Variants in ETV3L observed in about 807,000 individuals in gnomAD.
ETV3L encodes the protein ETS translocation variant 3-like protein.
ETV3L carries 30 observed loss-of-function variants against 27.6 expected under a neutral mutation model. The ratio of observed to expected loss-of-function variants is 1.09; its 90% CI spans 0.81 to 1.48. The LOEUF (loss-of-function observed/expected upper bound fraction) is 1.48, where lower values mean the gene tolerates loss of function less well. ETV3L is among the 40% of genes most tolerant of loss of function. The pLI, the probability that ETV3L is intolerant of heterozygous loss-of-function variation, is 0.00. For missense variants in ETV3L, 443 were observed against 455.6 expected, an observed-to-expected ratio of 0.97 and a Z score of 0.25; for synonymous variants, 186 against 188.9, an observed-to-expected ratio of 0.98 and a Z score of 0.12.
intron 4 of ETV3L, among the ~76,000 whole-genome samples, chr1:157,097,318 C>G (rs1167929828): frequency 6.6e-6 from 1 of 151,364 alleles, no homozygotes; most frequent in Non-Finnish European, 1.5e-5. Context: ...ACTAAAAATA[C>G]AAAAATTAGC....
rs1674128324 is a variant in ETV3L, at chr1:157,092,162, TG to T, written c.*486del. On this transcript the variant is annotated 3_prime_UTR_variant, in exon 5 of 5. Coordinates refer to ENST00000454449, the MANE Select transcript of ETV3L (RefSeq NM_001004341.2). ...GGAAATGGAGAGAGGAGGAAGTGCC[TG>T]CATGGGACAGGGGTTTCCAGGGTCT... 6.4e-6 allele frequency: 1 copy of T among 156,030 alleles called. No individual in the cohort carries two copies. Among genetic ancestry groups the T allele is most frequent in the African/African-American group, 2.4e-5 (1 of 41,436 alleles). The allele number at this position is 156,030 out of a possible 1,614,324, so 9.7% of individuals were successfully genotyped here.
chr1:157,097,772 C>G, intron 4 of ETV3L, 96 bp downstream of exon 4: 5 of 1,450,338 alleles, frequency 3.4e-6, no homozygotes, highest in Non-Finnish European at 4.7e-6. Flanking sequence ...ACATAGTATC[C>G]CTTGTCTCAT....
At chr1:157,094,567 G>A (rs1674185339) in intron 4 of ETV3L, among the ~76,000 whole-genome samples, 1 of 152,118 alleles carries the variant, frequency 6.6e-6, no homozygotes, top group Non-Finnish European at 1.5e-5. Context: ...TTAACTAAAA[G>A]AACAAGCATC....
At chr1:157,093,153 C>A in intron 4 of ETV3L, 26 bp from the exon 5 acceptor site, 2 of 1,412,638 alleles carry the variant, frequency 1.4e-6, no homozygotes, top group South Asian at 1.6e-5. Flanking sequence ...GAGAAAGGGT[C>A]AAGGGAGCCC....
chr1:157,093,914 A>T lies in ETV3L; in HGVS notation c.608-787T>A, dbSNP rs1013359186. On this transcript the variant is annotated intron_variant, in intron 4 of 4. Transcript: ENST00000454449. Reference sequence around the variant, plus strand: ...TCATCCCTCCATGAACCTCTCCTCCAAGGGCACTCGGCTGAGTTAGGGTCA... The same window carrying T: ...TCATCCCTCCATGAACCTCTCCTCCTAGGGCACTCGGCTGAGTTAGGGTCA... 5.9e-5 allele frequency among the ~76,000 whole-genome samples: 9 copies of T among 152,234 alleles called. No homozygotes were observed. The South Asian group carries it at 1.9e-3, about 32-fold the overall frequency.
intron 3 of ETV3L, among the ~76,000 whole-genome samples, chr1:157,098,395 C>T (rs1244027493): frequency 1.3e-5 from 2 of 152,128 alleles, no homozygotes; most frequent in African/African-American, 4.8e-5. Context: ...CACGCCTGGC[C>T]TCTCATACCC....
At position 157,097,083 on chromosome 1, in the gene ETV3L, G is replaced by A. The variant is rs77434886; in HGVS notation, c.607+785C>T. On this transcript the variant is annotated intron_variant, in intron 4 of 4. Coordinates refer to ENST00000454449, the MANE Select transcript of ETV3L (RefSeq NM_001004341.2). ...GCCAGCCCTGTCTCTCATCCGTCCTGCTTGTTCCCACCGCATCGCAAGACT... is the reference window on the plus strand; with the variant it reads ...GCCAGCCCTGTCTCTCATCCGTCCTACTTGTTCCCACCGCATCGCAAGACT... Among the ~76,000 whole-genome samples the A allele has an allele frequency of 1.2e-3, 179 of 152,080 alleles. 2 individuals carry two copies. The East Asian group carries it at 0.032, about 27-fold the overall frequency.
intron 3 of ETV3L, 56 bp downstream of exon 3, chr1:157,098,650 G>A: frequency 1.3e-6 from 2 of 1,483,512 alleles, no homozygotes; most frequent in Middle Eastern, 5.0e-4. Context: ...GGAGCCTCCT[G>A]GGCAGAGGGG....
In ETV3L at chr1:157,096,813, G is replaced by C. The variant is rs576770408; in HGVS notation, c.607+1055C>G. ...GCATGCCTGTAATCCCAGTTACTTG[G>C]GAGGCTGAGGCATGAGAATCGCTTG... On this transcript the variant is annotated intron_variant, in intron 4 of 4. Coordinates refer to ENST00000454449, the MANE Select transcript of ETV3L (RefSeq NM_001004341.2). Among the ~76,000 whole-genome samples the C allele has an allele frequency of 4.6e-5, 7 of 152,330 alleles. No individual in the cohort carries two copies. The South Asian group carries it at 1.4e-3, about 32-fold the overall frequency.
At chr1:157,096,931 A>G (rs1486045195) in intron 4 of ETV3L, among the ~76,000 whole-genome samples, 7 of 152,090 alleles carry the variant, frequency 4.6e-5, no homozygotes, top group Non-Finnish European at 8.8e-5. Context: ...AAAAATAATA[A>G]AAGAAAGTAA....
In ETV3L at chr1:157,098,006, G is replaced by T. The variant is rs139879248; in HGVS notation, c.487-18C>A. 1 of 1,585,288 alleles carries T rather than the reference G, an allele frequency of 6.3e-7. No individual in the cohort carries two copies. The highest frequency in any genetic ancestry group is 2.3e-5 in the East Asian group (1 of 44,284). ...TGCAGGAGCTGAGGGGTGAGAAGTA[G>T]GTGCGAGGTGTGATGGGCTCTCCTT... On this transcript the variant is annotated intron_variant, in intron 3 of 4. Coordinates refer to ENST00000454449, the MANE Select transcript of ETV3L (RefSeq NM_001004341.2).
At chr1:157,093,530 A>C (rs1674164749) in intron 4 of ETV3L, among the ~76,000 whole-genome samples, 1 of 147,326 alleles carries the variant, frequency 6.8e-6, no homozygotes. Flanking sequence ...CTTGCTCTGT[A>C]GCCCAGGCTG....
chr1:157,092,663 A>T lies in ETV3L; in HGVS notation c.1072T>A (p.Leu358Met). Reference protein sequence around the residue: ...NLENLKAVWPLDPP With the variant: ...NLENLKAVWPMDPP The stretch of plus-strand genomic sequence containing the variant: ...TTCCTCTCTAGTTAAGGAGGATCCA[A>T]GGGCCACACTGCTTTGAGGTTCTCC... The change falls in exon 5 of 5, where the codon TTG (leucine) becomes ATG (methionine). Residue 358 changes from leucine (L) to methionine (M), a missense_variant. Leu to Met is a conservative substitution (Grantham distance 15). Transcript: ENST00000454449. The T allele has an allele frequency of 6.2e-7, 1 of 1,607,006 alleles. No homozygotes were observed. Among genetic ancestry groups the T allele is most frequent in the Non-Finnish European group, 8.5e-7 (1 of 1,176,682 alleles).
rs1337264568 is a variant in ETV3L at position 157,099,352 on chromosome 1, T to G, written c.85A>C (p.Lys29Gln). 15 of 1,614,006 alleles carry G rather than the reference T, an allele frequency of 9.3e-6. No individual in the cohort carries two copies. The East Asian group carries it at 2.7e-4, about 29-fold the overall frequency. ...SGLAFPDWAY[K>Q]AESSPGSRQI... ...CGGGAGCCTGGGGACGACTCGGCTT[T>G]GTAGGCCCAATCAGGGAAGGCCAAC... The change falls in exon 2 of 5, where the codon AAA (lysine) becomes CAA (glutamine). Residue 29 changes from lysine to glutamine, a missense_variant. By Grantham distance (53) the Lys-to-Gln change is moderately conservative. Transcript: ENST00000454449.
rs1674143665 is a variant in ETV3L, at chr1:157,092,897, C to T, written c.838G>A (p.Ala280Thr). Residue 280 changes from alanine to threonine, a missense_variant, in exon 5 of 5, where the codon GCC becomes ACC. Transcript: ENST00000454449. ...AGAGGAAGCCCTGGAAAATGCCAGGCCCCTGGGAGGCTCCTAGGTCCTGGG... is the reference window on the plus strand; with the variant it reads ...AGAGGAAGCCCTGGAAAATGCCAGGTCCCTGGGAGGCTCCTAGGTCCTGGG... The part of the protein sequence containing the change: ...LLPGPRSLPG[A>T]WHFPGLPLLA... 2 of 1,614,076 alleles carry T rather than the reference C, an allele frequency of 1.2e-6. No homozygotes were observed. Among genetic ancestry groups the T allele is most frequent in the Non-Finnish European group, 1.7e-6 (2 of 1,179,946 alleles).
intron 3 of ETV3L, 113 bp from the exon 4 acceptor site, chr1:157,098,101 A>ATT (rs370474629): frequency 6.2e-4 from 620 of 1,001,148 alleles, no homozygotes; most frequent in South Asian, 9.1e-4. Flanking sequence ...TCTCATACCG[A>ATT]TTTTTTTTTT....
At position 157,092,783 on chromosome 1, in the gene ETV3L, T is replaced by C. The variant is rs12126791; in HGVS notation, c.952A>G (p.Met318Val). The change falls in exon 5 of 5, where the codon ATG becomes GTG. Residue 318 changes from methionine to valine, a missense_variant. Coordinates refer to ENST00000454449, the MANE Select transcript of ETV3L (RefSeq NM_001004341.2). ...GGATCCAGGCCTCCCTTTGCCTCCA[T>C]CATGGGAGCAGGCTTTACTTCCAGC... is the stretch of plus-strand genomic sequence containing the variant. Reference protein sequence around the residue: ...EGLEVKPAPMMEAKGGLDPRE... With the variant: ...EGLEVKPAPMVEAKGGLDPRE... 73,114 of 1,614,046 alleles carry C rather than the reference T, an allele frequency of 0.045. 1,940 individuals are homozygous for C. Among genetic ancestry groups the C allele is most frequent in the Middle Eastern group, 0.057 (346 of 6,062 alleles).
intron 4 of ETV3L, among the ~76,000 whole-genome samples, chr1:157,095,456 G>A (rs896433375): frequency 6.6e-6 from 1 of 152,132 alleles, no homozygotes; most frequent in African/African-American, 2.4e-5. Context: ...CATAGGCAGG[G>A]CATGTGTGTT....
At chr1:157,096,346 AG>A (rs1181863787) in intron 4 of ETV3L, among the ~76,000 whole-genome samples, 1 of 152,190 alleles carries the variant, frequency 6.6e-6, no homozygotes, top group East Asian at 1.9e-4. Flanking sequence ...CCATAAAGGC[AG>A]TGTTGCTCAC....
Sources: gnomAD v4.1 joint callset for allele counts (sites outside exome capture counted in the v4.1 genomes callset) on GRCh38, gnomAD v4.1.1 for gene constraint, MANE v1.5 for transcripts, NCBI Gene and HGNC (gene_info 2026-07-23, HGNC 2026-07-21) for gene names.